The following IL1RAPL1 variants were observed in gnomAD, a reference collection of about 807,000 sequenced individuals.
The protein encoded by IL1RAPL1 is interleukin-1 receptor accessory protein-like 1.
A neutral mutation model predicts 48.4 loss-of-function variants in IL1RAPL1; 3 were observed. The observed-to-expected ratio is 0.06, with a 90% CI of 0.03 to 0.16. The LOEUF is 0.16. IL1RAPL1 is among the 10% of genes least tolerant of loss of function. IL1RAPL1 has a pLI of 1.00. For missense variants in IL1RAPL1, 349 were observed against 530.6 expected (o/e 0.66, Z 3.36); for synonymous variants, 185 against 187.7 (o/e 0.99, Z 0.12).
At chrX:29,606,489 T>C (rs1373887659) in intron 5 of IL1RAPL1, among the ~76,000 whole-genome samples, 3 of 112,172 alleles carry the variant, frequency 2.7e-5, no homozygotes, top group Non-Finnish European at 5.6e-5. Flanking sequence ...CCCCAAAATA[T>C]TCTACTGGTC....
chrX:29,929,501 T>C (rs1415866920), intron 8 of IL1RAPL1, among the ~76,000 whole-genome samples: 1 of 111,902 alleles, frequency 8.9e-6, no homozygotes, highest in Non-Finnish European at 1.9e-5. Flanking sequence ...TGCCTCAATT[T>C]TGCCAATTTT....
At chrX:28,801,614 T>TA (rs1251744034) in intron 2 of IL1RAPL1, among the ~76,000 whole-genome samples, 1 of 112,013 alleles carries the variant, frequency 8.9e-6, no homozygotes, top group Non-Finnish European at 1.9e-5. Context: ...TCTTTTTAGT[T>TA]AGTATCTCAG....
chrX:29,648,352 C>T (rs1257214129), intron 5 of IL1RAPL1, among the ~76,000 whole-genome samples: 1 of 111,740 alleles, frequency 8.9e-6, no homozygotes. Flanking sequence ...TCTCAACTGC[C>T]CATGGAGCAT....
At chrX:29,918,505 CAAAAAA>C (rs1186602092) in intron 7 of IL1RAPL1, among the ~76,000 whole-genome samples, 2 of 38,114 alleles carry the variant, frequency 5.2e-5, no homozygotes, top group African/African-American at 1.8e-4. Context: ...AACTCTGTCT[CAAAAAA>C]AAAAAAAAAA....
At chrX:28,780,422 T>C (rs1936411232) in intron 1 of IL1RAPL1, among the ~76,000 whole-genome samples, 1 of 108,684 alleles carries the variant, frequency 9.2e-6, no homozygotes, top group South Asian at 4.0e-4. Flanking sequence ...ACCTGGTGTT[T>C]TTTATTAGTG....
chrX:29,837,130 G>T (rs1250212572), intron 6 of IL1RAPL1, among the ~76,000 whole-genome samples: 1 of 106,390 alleles, frequency 9.4e-6, no homozygotes, highest in Non-Finnish European at 1.9e-5. Flanking sequence ...AGGCGTGGTG[G>T]CGGGCACCTG....
chrX:28,766,577 C>A (rs1236406666), intron 1 of IL1RAPL1, among the ~76,000 whole-genome samples: 2 of 110,583 alleles, frequency 1.8e-5, no homozygotes, highest in African/African-American at 3.3e-5. Flanking sequence ...TTAAAATGTA[C>A]AATTAAGTTA....
chrX:28,994,496 T>C (rs1925684777), intron 2 of IL1RAPL1, among the ~76,000 whole-genome samples: 1 of 111,742 alleles, frequency 8.9e-6, no homozygotes, highest in African/African-American at 3.3e-5. Flanking sequence ...TGATATGCCC[T>C]TTAGACTTCC....
At chrX:29,227,216 G>A (rs1469089217) in intron 2 of IL1RAPL1, among the ~76,000 whole-genome samples, 1 of 108,330 alleles carries the variant, frequency 9.2e-6, no homozygotes. Context: ...GTGTATAATG[G>A]TAACACAATC....
In IL1RAPL1 at chrX:29,206,816, T is replaced by G. The variant is rs146824780; in HGVS notation, c.83-76122T>G. ...AAAAAAATGTAAAAATTGGAAGGGA[T>G]AATTATTGAAAAATAAGGTGAAGAT... On this transcript the variant is annotated intron_variant, in intron 2 of 10. Coordinates refer to ENST00000378993, the MANE Select transcript of IL1RAPL1 (RefSeq NM_014271.4). 4.8e-4 allele frequency among the ~76,000 whole-genome samples: 54 copies of G among 112,036 alleles called. No homozygotes were observed. The South Asian group carries it at 5.1e-3, about 11-fold the overall frequency.
intron 2 of IL1RAPL1, chrX:28,942,365 CAAAT>C (rs1356904324): frequency 9.2e-6 from 1 of 108,726 alleles, no homozygotes. Context: ...ATATGATAAA[CAAAT>C]GAATATATAC....
chrX:28,689,872 C>T (rs1935156721), intron 1 of IL1RAPL1, among the ~76,000 whole-genome samples: 1 of 111,552 alleles, frequency 9.0e-6, no homozygotes, highest in African/African-American at 3.3e-5. Flanking sequence ...ATTAGAGAGT[C>T]TCCCATTGGT....
At chrX:29,127,566 C>T (rs1177342677) in intron 2 of IL1RAPL1, among the ~76,000 whole-genome samples, 2 of 112,104 alleles carry the variant, frequency 1.8e-5, no homozygotes, top group Admixed American at 1.9e-4. Flanking sequence ...TGGCTACTCA[C>T]AAATATAAAT....
At chrX:29,942,651 C>G (rs1437529810) in intron 9 of IL1RAPL1, among the ~76,000 whole-genome samples, 1 of 108,752 alleles carries the variant, frequency 9.2e-6, no homozygotes, top group Non-Finnish European at 1.9e-5. Flanking sequence ...TGGAGTTTCA[C>G]TCTTGTTGCC....
chrX:29,320,905 TATC>T (rs1203474902), intron 3 of IL1RAPL1, among the ~76,000 whole-genome samples: 3 of 111,384 alleles, frequency 2.7e-5, no homozygotes, highest in African/African-American at 9.8e-5. Flanking sequence ...AGTAACTCAT[TATC>T]ATTATTATTA....
intron 2 of IL1RAPL1, among the ~76,000 whole-genome samples, chrX:29,064,298 T>G (rs1373532335): frequency 8.9e-6 from 1 of 112,037 alleles, no homozygotes; most frequent in Non-Finnish European, 1.9e-5. Context: ...TAACAACCTC[T>G]GCCATGAAAT....
chrX:29,145,959 C>A (rs1057452236), intron 2 of IL1RAPL1, among the ~76,000 whole-genome samples: 13 of 111,808 alleles, frequency 1.2e-4, no homozygotes, highest in African/African-American at 4.2e-4. Context: ...TAACTGACTT[C>A]CAACTTCTGC....
At chrX:28,827,824 GT>G (rs1167832079) in intron 2 of IL1RAPL1, among the ~76,000 whole-genome samples, 2 of 111,935 alleles carry the variant, frequency 1.8e-5, no homozygotes, top group Non-Finnish European at 3.8e-5. Context: ...ACAGTTGTAT[GT>G]TTTAGTCATT....
At chrX:29,291,174 C>T (rs1306801518) in intron 3 of IL1RAPL1, among the ~76,000 whole-genome samples, 1 of 111,231 alleles carries the variant, frequency 9.0e-6, no homozygotes, top group Non-Finnish European at 1.9e-5. Context: ...GGAGTGGCTG[C>T]TCTTCATCCA....
Sources: allele counts gnomAD v4.1 joint callset (sites outside exome capture counted in the v4.1 genomes callset), GRCh38; gene constraint gnomAD v4.1.1; transcripts MANE v1.5; gene names NCBI Gene and HGNC (gene_info 2026-07-23, HGNC 2026-07-21).